The following RAB3B variants were observed in gnomAD, a reference collection of about 807,000 sequenced individuals.
RAB3B encodes the protein RAB3B, member RAS oncogene family.
Under a neutral mutation model 20.5 loss-of-function variants are expected in RAB3B, and 11 were observed. The ratio of observed to expected loss-of-function variants is 0.54; its 90% CI spans 0.34 to 0.89. The LOEUF is 0.89. RAB3B is among the 40% of genes least tolerant of loss of function. The probability of loss-of-function intolerance (pLI) is 0.02; values close to 1 mark genes in which losing one functional copy is unlikely to be tolerated. For missense variants in RAB3B, 225 were observed against 280.9 expected (o/e 0.80, Z 1.42); for synonymous variants, 99 against 106.3 (o/e 0.93, Z 0.42).
At chr1:51,939,784 T>C (rs1009884535) in intron 2 of RAB3B, among the ~76,000 whole-genome samples, 11 of 152,082 alleles carry the variant, frequency 7.2e-5, no homozygotes, top group African/African-American at 9.7e-5. Flanking sequence ...TATGTAGCCA[T>C]GGCTGGTCTG....
At chr1:51,969,733 C>G (rs1684903135) in intron 2 of RAB3B, among the ~76,000 whole-genome samples, 1 of 152,112 alleles carries the variant, frequency 6.6e-6, no homozygotes, top group African/African-American at 2.4e-5. Context: ...TTAATAAAAA[C>G]TACGATTTGT....
In RAB3B at chr1:51,917,463, C is replaced by G. The variant is rs978651967; in HGVS notation, c.*2464G>C. ...GTTGATTTAATGACAGAGTCCGGGTCTCCTGATTCCAAGTCCAAAGCTCTG... is the reference window on the plus strand; with the variant it reads ...GTTGATTTAATGACAGAGTCCGGGTGTCCTGATTCCAAGTCCAAAGCTCTG... On this transcript the variant is annotated 3_prime_UTR_variant, in exon 5 of 5. Coordinates refer to ENST00000371655, the MANE Select transcript of RAB3B (RefSeq NM_002867.4). 6.6e-6 allele frequency: 1 copy of G among 152,080 alleles called. No individual in the cohort carries two copies. Among genetic ancestry groups the G allele is most frequent in the Non-Finnish European group, 1.5e-5 (1 of 68,020 alleles). The allele number at this position is 152,080 out of a possible 1,614,324, so 9.4% of individuals were successfully genotyped here.
chr1:51,964,245 C>A (rs191491857), intron 2 of RAB3B, among the ~76,000 whole-genome samples: 53 of 152,296 alleles, frequency 3.5e-4, no homozygotes, highest in African/African-American at 1.3e-3. Context: ...ATATTCATAA[C>A]CTAGCAGCCA....
At position 51,932,735 on chromosome 1, in the gene RAB3B, T is replaced by A. The variant is rs540192001; in HGVS notation, c.472+583A>T. On this transcript the variant is annotated intron_variant, in intron 4 of 4. Transcript: ENST00000371655. ...ATGGTCACATTCAGCATACAGAGTCTGCTCTACAGTTGATGATGAAGAGTA... is the reference window on the plus strand; with the variant it reads ...ATGGTCACATTCAGCATACAGAGTCAGCTCTACAGTTGATGATGAAGAGTA... Among the ~76,000 whole-genome samples, 7 of 152,336 alleles carry A rather than the reference T, an allele frequency of 4.6e-5. No individual in the cohort carries two copies. In the South Asian group the frequency reaches 1.4e-3, roughly 32 times the overall value.
chr1:51,916,385 G>C lies in RAB3B; in HGVS notation c.*3542C>G, dbSNP rs1684085502. ...CCTGGATATTCAGTAGGAGAGAAAA[G>C]ATTATTGGATATAGATACTAAAATA... is the stretch of plus-strand genomic sequence containing the variant. On this transcript the variant is annotated 3_prime_UTR_variant, in exon 5 of 5. Coordinates refer to ENST00000371655, the MANE Select transcript of RAB3B (RefSeq NM_002867.4). 1 of 152,248 alleles carries C rather than the reference G, an allele frequency of 6.6e-6. No homozygotes were observed. Among genetic ancestry groups the C allele is most frequent in the Non-Finnish European group, 1.5e-5 (1 of 68,042 alleles). 9.4% of individuals were successfully genotyped at this position (152,248 alleles called of 1,614,324 possible). A position where few individuals can be genotyped will look rare whatever the true frequency, so the allele number is the denominator to read the frequency against.
intron 2 of RAB3B, among the ~76,000 whole-genome samples, chr1:51,953,013 G>A (rs2124278413): frequency 6.6e-6 from 1 of 152,236 alleles, no homozygotes; most frequent in Non-Finnish European, 1.5e-5. Context: ...CATGTATATG[G>A]TTGACTATTA....
chr1:51,947,498 A>G (rs1461320323), intron 2 of RAB3B, among the ~76,000 whole-genome samples: 1 of 152,146 alleles, frequency 6.6e-6, no homozygotes. Context: ...TTTAGCCCCC[A>G]AGATCCTCTG....
intron 4 of RAB3B, among the ~76,000 whole-genome samples, chr1:51,924,535 T>C (rs567530067): frequency 1.1e-4 from 17 of 152,284 alleles, no homozygotes; most frequent in African/African-American, 4.1e-4. Flanking sequence ...CCTTGGTCTA[T>C]GCCAAAAGGG....
At chr1:51,989,181 A>G (rs1463396731) in intron 1 of RAB3B, among the ~76,000 whole-genome samples, 4 of 135,832 alleles carry the variant, frequency 2.9e-5, no homozygotes, top group Non-Finnish European at 1.6e-5. Flanking sequence ...GATTCCAGGA[A>G]GCCGGGGGAA....
chr1:51,911,676 T>C lies in RAB3B; in HGVS notation c.*8251A>G, dbSNP rs1684000679. The C allele has an allele frequency of 6.6e-6, 1 of 152,188 alleles. No individual in the cohort carries two copies. 9.4% of individuals were successfully genotyped at this position (152,188 alleles called of 1,614,324 possible). A position where few individuals can be genotyped will look rare whatever the true frequency, so the allele number is the denominator to read the frequency against. On this transcript the variant is annotated 3_prime_UTR_variant, in exon 5 of 5. Transcript: ENST00000371655. ...CCTTATGTCTCTGCTGCCCTCTGCC[T>C]AATGGCCTTGTTTTCGCTTACTATA... is the stretch of plus-strand genomic sequence containing the variant.
Position 51,966,286 on chromosome 1 carries a change from G to A in RAB3B, c.228+10604C>T, listed in dbSNP as rs1277507678. Among the ~76,000 whole-genome samples the A allele has an allele frequency of 3.3e-5, 5 of 152,326 alleles. No homozygotes were observed. In the East Asian group the frequency reaches 9.6e-4, roughly 29 times the overall value. ...TGTGAGACCTGCAATGATTTTCCCA[G>A]GTGGAGGTAGCTGTTCTTACAACAC... On this transcript the variant is annotated intron_variant, in intron 2 of 4. Transcript: ENST00000371655.
chr1:51,929,448 C>T (rs1378232787), intron 4 of RAB3B, among the ~76,000 whole-genome samples: 2 of 152,046 alleles, frequency 1.3e-5, no homozygotes, highest in African/African-American at 4.8e-5. Flanking sequence ...CTGCTTCAGC[C>T]TCCCGAGTAG....
Position 51,933,316 on chromosome 1 carries a change from A to G in RAB3B, c.472+2T>C. On this transcript the variant is annotated splice_donor_variant, in intron 4 of 4. Transcript: ENST00000371655. LOFTEE classifies it high-confidence loss of function. The stretch of plus-strand genomic sequence containing the variant: ...ATGCACATACATGTGTCATGTACAT[A>G]CCAAGCTGCTCTGCAAGGAGCTGGC... The G allele has an allele frequency of 1.2e-6, 2 of 1,613,842 alleles. No individual in the cohort carries two copies. The highest frequency in any genetic ancestry group is 1.7e-6 in the Non-Finnish European group (2 of 1,179,884).
intron 2 of RAB3B, 70 bp from the exon 3 acceptor site, chr1:51,937,482 A>G: frequency 9.5e-7 from 1 of 1,051,576 alleles, no homozygotes; most frequent in Non-Finnish European, 1.4e-6. Flanking sequence ...CCCCAGGACA[A>G]TTAACTAATA....
intron 4 of RAB3B, among the ~76,000 whole-genome samples, chr1:51,928,185 C>A (rs61780723): frequency 0.03 from 4,597 of 152,266 alleles, 102 homozygotes; most frequent in Middle Eastern, 0.12. Context: ...CTGCTCACCG[C>A]AACCTCCGCC....
intron 2 of RAB3B, among the ~76,000 whole-genome samples, chr1:51,947,897 C>T (rs1684586478): frequency 1.3e-5 from 2 of 152,116 alleles, no homozygotes; most frequent in South Asian, 2.1e-4. Flanking sequence ...CACCCACCCC[C>T]TCACAAAGCA....
At chr1:51,971,579 C>A (rs947044714) in intron 2 of RAB3B, among the ~76,000 whole-genome samples, 2 of 151,854 alleles carry the variant, frequency 1.3e-5, no homozygotes, top group East Asian at 1.9e-4. Flanking sequence ...ATTACAGGAG[C>A]CTGCCACCAC....
intron 2 of RAB3B, among the ~76,000 whole-genome samples, chr1:51,966,153 T>C (rs1684848823): frequency 6.6e-6 from 1 of 152,216 alleles, no homozygotes; most frequent in Non-Finnish European, 1.5e-5. Flanking sequence ...TTGAAAGCAA[T>C]TATGCTCTTG....
intron 4 of RAB3B, among the ~76,000 whole-genome samples, chr1:51,928,915 C>G (rs1684285265): frequency 6.6e-6 from 1 of 152,230 alleles, no homozygotes; most frequent in Non-Finnish European, 1.5e-5. Flanking sequence ...AAAACCTTAA[C>G]TCTCCAGCCT....
Sources: gnomAD v4.1 joint callset for allele counts (sites outside exome capture counted in the v4.1 genomes callset) on GRCh38, gnomAD v4.1.1 for gene constraint, MANE v1.5 for transcripts, NCBI Gene and HGNC (gene_info 2026-07-23, HGNC 2026-07-21) for gene names.